PPP1R3A: variants seen among roughly 807,000 people sequenced by gnomAD.
The protein encoded by PPP1R3A is protein phosphatase 1 regulatory subunit 3A, also known as RG1.
Under a neutral mutation model 41.7 loss-of-function variants are expected in PPP1R3A, and 29 were observed. The ratio of observed to expected loss-of-function variants is 0.70; its 90% CI spans 0.52 to 0.95. The LOEUF is 0.95. Ranked by LOEUF, PPP1R3A falls within the 40% of genes least tolerant of loss-of-function variation. The probability of loss-of-function intolerance (pLI) is 0.00; values close to 1 mark genes in which losing one functional copy is unlikely to be tolerated. For synonymous variants in PPP1R3A, 485 were observed against 453.4 expected (o/e 1.07, Z -0.89); for missense variants, 1,352 against 1,292.4 (o/e 1.05, Z -0.71).
intron 1 of PPP1R3A, among the ~76,000 whole-genome samples, chr7:113,886,948 T>C (rs1440914686): frequency 1.3e-5 from 2 of 152,128 alleles, no homozygotes; most frequent in Admixed American, 6.6e-5. Context: ...GAGAGTTTCA[T>C]ATTTTTCTGT....
At chr7:113,903,501 G>T (rs1175379335) in intron 1 of PPP1R3A, among the ~76,000 whole-genome samples, 1 of 151,662 alleles carries the variant, frequency 6.6e-6, no homozygotes, top group East Asian at 2.0e-4. Flanking sequence ...AATATGCCCT[G>T]TAAGTATCAT....
rs545383484 is a variant in PPP1R3A, at chr7:113,913,142, C to A, written c.782+5073G>T. Among the ~76,000 whole-genome samples the A allele has an allele frequency of 5.3e-5, 8 of 152,130 alleles. No homozygotes were observed. The South Asian group carries it at 1.7e-3, about 32-fold the overall frequency. Reference sequence around the variant, plus strand: ...GCCAGAGGTCCCTCCTTAAACAGACCCAGCTTCCACAATTAGTGTGGACTC... The same window carrying A: ...GCCAGAGGTCCCTCCTTAAACAGACACAGCTTCCACAATTAGTGTGGACTC... On this transcript the variant is annotated intron_variant, in intron 1 of 3. Coordinates refer to ENST00000284601, the MANE Select transcript of PPP1R3A (RefSeq NM_002711.4).
At chr7:113,906,957 G>T (rs1797158735) in intron 1 of PPP1R3A, among the ~76,000 whole-genome samples, 1 of 151,724 alleles carries the variant, frequency 6.6e-6, no homozygotes, top group African/African-American at 2.4e-5. Context: ...AAAGCCTCAA[G>T]TAAGAGGGAA....
rs571508129 is a variant in PPP1R3A, at chr7:113,877,726, C to T, written c.3366G>A (p.Lys1122=). The T allele has an allele frequency of 2.3e-5, 35 of 1,544,150 alleles. No individual in the cohort carries two copies. The South Asian group carries it at 3.9e-4, about 17-fold the overall frequency. The part of the protein sequence containing the change: ...EGRQKESVKK[K] ...AGAGAGAATAGTAGTGCTGAGGTTA[C>T]TTCTTTTTGACAGACTCTTTTTGTC... is the stretch of plus-strand genomic sequence containing the variant. Residue 1122 remains lysine, a synonymous_variant, in exon 4 of 4, where the codon AAG becomes AAA. Coordinates refer to ENST00000284601, the MANE Select transcript of PPP1R3A (RefSeq NM_002711.4).
chr7:113,895,584 T>C (rs925583365), intron 1 of PPP1R3A, among the ~76,000 whole-genome samples: 1 of 151,984 alleles, frequency 6.6e-6, no homozygotes, highest in Non-Finnish European at 1.5e-5. Flanking sequence ...ATAGTTTTTA[T>C]AAGTGGTTAG....
At chr7:113,887,387 C>A (rs1316329258) in intron 1 of PPP1R3A, among the ~76,000 whole-genome samples, 3 of 151,538 alleles carry the variant, frequency 2.0e-5, no homozygotes, top group Admixed American at 2.0e-4. Context: ...TTTAAAATAT[C>A]TGTGTGTCAT....
intron 1 of PPP1R3A, among the ~76,000 whole-genome samples, chr7:113,893,566 C>A (rs921162215): frequency 1.3e-5 from 2 of 151,844 alleles, no homozygotes; most frequent in Admixed American, 1.3e-4. Context: ...TCGAATATAC[C>A]TATTATATAA....
intron 1 of PPP1R3A, among the ~76,000 whole-genome samples, chr7:113,911,561 T>C (rs959842765): frequency 1.3e-5 from 2 of 152,088 alleles, no homozygotes; most frequent in Middle Eastern, 3.2e-3. Context: ...AGAACCATCT[T>C]CAGAAGAACT....
Position 113,879,075 on chromosome 7 carries a change from TTA to T in PPP1R3A, c.2015_2016del (p.Ile672AsnfsTer11). 6.2e-7 allele frequency: 1 copy of T among 1,613,738 alleles called. No individual in the cohort carries two copies. Among genetic ancestry groups the T allele is most frequent in the South Asian group, 1.1e-5 (1 of 91,084 alleles). Reference protein sequence around the residue: ...QGKSRENKTNITEHIKGQTDC... With the variant: ...QGKSRENKTNXTEHIKGQTDC... ...TCTGTTTGTCCTTTGATATGCTCTG[TTA>T]TGTTTGTCTTATTCTCTCTTGATTT... On this transcript the variant is annotated frameshift_variant, in exon 4 of 4. Transcript: ENST00000284601. LOFTEE classifies it low-confidence loss of function (END_TRUNC).
chr7:113,883,753 C>CT (rs1331887123), intron 1 of PPP1R3A, among the ~76,000 whole-genome samples: 1 of 151,938 alleles, frequency 6.6e-6, no homozygotes, highest in African/African-American at 2.4e-5. Context: ...TGCTTCGTCT[C>CT]TATTCCCATA....
At chr7:113,902,169 CA>C (rs1324701620) in intron 1 of PPP1R3A, among the ~76,000 whole-genome samples, 2 of 151,696 alleles carry the variant, frequency 1.3e-5, no homozygotes, top group Non-Finnish European at 2.9e-5. Context: ...CTCACCTTGT[CA>C]CCCAGGCTGG....
Position 113,878,576 on chromosome 7 carries a change from G to A in PPP1R3A, c.2516C>T (p.Thr839Ile). The A allele has an allele frequency of 6.2e-7, 1 of 1,613,502 alleles. No homozygotes were observed. The change falls in exon 4 of 4, where the codon ACT becomes ATT. Residue 839 changes from threonine to isoleucine, a missense_variant. Coordinates refer to ENST00000284601, the MANE Select transcript of PPP1R3A (RefSeq NM_002711.4). ...RKTHDREKCG[T>I]GNITSVEESS... ...TTCTTCCACAGATGTTATATTTCCA[G>A]TGCCACATTTCTCCCTGTCATGTGT...
At chr7:113,918,071 C>A in intron 1 of PPP1R3A, 144 bp downstream of exon 1, 1 of 767,270 alleles carries the variant, frequency 1.3e-6, no homozygotes, top group Non-Finnish European at 2.0e-6. Context: ...ATAGCTTTGA[C>A]CTTGTTAAAG....
At position 113,877,857 on chromosome 7, in the gene PPP1R3A, AATAAG is replaced by A. The variant is rs771352933; in HGVS notation, c.3230_3234del (p.Pro1077LeufsTer15). 2 of 1,610,952 alleles carry A rather than the reference AATAAG, an allele frequency of 1.2e-6. No homozygotes were observed. The highest frequency in any genetic ancestry group is 4.5e-5 in the East Asian group (2 of 44,816). On this transcript the variant is annotated frameshift_variant, in exon 4 of 4. Coordinates refer to ENST00000284601, the MANE Select transcript of PPP1R3A (RefSeq NM_002711.4). LOFTEE classifies it high-confidence loss of function. ...ATAAGAAATATCAGAAACAAAAGGA[AATAAG>A]GTATTTTAGAGTTGGTATATTTTGA...
chr7:113,891,084 C>CAAAAAAAAAAAAAAAAA (rs11342726), intron 1 of PPP1R3A, among the ~76,000 whole-genome samples: 1 of 79,788 alleles, frequency 1.3e-5, no homozygotes, highest in African/African-American at 5.2e-5. Context: ...GGAAAAAAAG[C>CAAAAAAAAAAAAAAAAA]AAAAAAAAAA....
intron 1 of PPP1R3A, among the ~76,000 whole-genome samples, chr7:113,899,576 G>T (rs1797030606): frequency 2.0e-5 from 3 of 151,746 alleles, no homozygotes; most frequent in Non-Finnish European, 4.4e-5. Flanking sequence ...TGGATAGTGT[G>T]ACTAGTTACA....
intron 1 of PPP1R3A, among the ~76,000 whole-genome samples, chr7:113,882,764 T>C (rs1404575790): frequency 6.6e-6 from 1 of 151,976 alleles, no homozygotes; most frequent in Non-Finnish European, 1.5e-5. Context: ...AATTAATTTT[T>C]TGTGTTCCAT....
At chr7:113,918,086 G>T in intron 1 of PPP1R3A, 129 bp downstream of exon 1, 1 of 881,996 alleles carries the variant, frequency 1.1e-6, no homozygotes, top group Middle Eastern at 3.7e-4. Context: ...TTAAAGCCTG[G>T]CACCATTGTT....
Position 113,913,404 on chromosome 7 carries a change from T to A in PPP1R3A, c.782+4811A>T, listed in dbSNP as rs1015123234. Among the ~76,000 whole-genome samples, 7 of 152,266 alleles carry A rather than the reference T, an allele frequency of 4.6e-5. No individual in the cohort carries two copies. The East Asian group carries it at 1.4e-3, about 29-fold the overall frequency. On this transcript the variant is annotated intron_variant, in intron 1 of 3. Transcript: ENST00000284601. Reference sequence around the variant, plus strand: ...ACCCTGAAAGATAAACCCTCTGTATTCTTAAAATTATGTTTTAGAAAGGAG... The same window carrying A: ...ACCCTGAAAGATAAACCCTCTGTATACTTAAAATTATGTTTTAGAAAGGAG...
Sources: gnomAD v4.1 joint callset for allele counts (sites outside exome capture counted in the v4.1 genomes callset) on GRCh38, gnomAD v4.1.1 for gene constraint, MANE v1.5 for transcripts, NCBI Gene and HGNC (gene_info 2026-07-23, HGNC 2026-07-21) for gene names.